Variants in KMT2A observed in about 807,000 individuals in gnomAD.
The protein encoded by KMT2A is lysine methyltransferase 2A.
A neutral mutation model predicts 345.3 loss-of-function variants in KMT2A; 16 were observed. That is an observed-to-expected ratio of 0.05 (90% confidence interval 0.03 to 0.07). KMT2A has a LOEUF of 0.07. KMT2A is among the 10% of genes least tolerant of loss of function. KMT2A has a pLI of 1.00. For synonymous variants in KMT2A, 1,599 were observed against 1,778.6 expected (o/e 0.90, Z 2.54); for missense variants, 3,272 against 4,841.6 (o/e 0.68, Z 9.62).
rs1344562906 is a variant in KMT2A, at chr11:118,498,474, T to C, written c.5907T>C (p.Phe1969=). Residue 1969 remains phenylalanine (F), a synonymous_variant, in exon 22 of 36, where the codon TTT becomes TTC. Coordinates refer to ENST00000534358, the MANE Select transcript of KMT2A (RefSeq NM_001197104.2). This position sits in a 1 kb window ranked among gnomAD's most constrained non-coding sequence, Gnocchi z 4.4. Reference sequence around the variant, plus strand: ...GTTCCCGAGCCAAGAACTGTGTCTTTCTGGATGATAAAAAAGTATATTGCC... The same window carrying C: ...GTTCCCGAGCCAAGAACTGTGTCTTCCTGGATGATAAAAAAGTATATTGCC... ...FMCSRAKNCV[F]LDDKKVYCQR... is the part of the protein sequence containing the mutation. 1 of 1,613,686 alleles carries C rather than the reference T, an allele frequency of 6.2e-7. No homozygotes were observed. The highest frequency in any genetic ancestry group is 8.5e-7 in the Non-Finnish European group (1 of 1,179,924).
At position 118,501,708 on chromosome 11, in the gene KMT2A, T is replaced by G. The variant is rs1555045703; in HGVS notation, c.6356T>G (p.Ile2119Ser). The G allele has an allele frequency of 6.2e-7, 1 of 1,613,832 alleles. No individual in the cohort carries two copies. Among genetic ancestry groups the G allele is most frequent in the East Asian group, 2.2e-5 (1 of 44,854 alleles). ...AAAGAGAGTCAAAACACAGCTGAAA[T>G]TATAAGTCCTCCATCACCAGACCGA... ...SSKESQNTAEIISPPSPDRPP... is the reference protein window; with the variant it reads ...SSKESQNTAESISPPSPDRPP... The change falls in exon 26 of 36, where the codon ATT (isoleucine) becomes AGT (serine). Residue 2119 changes from isoleucine (I) to serine (S), a missense_variant. Coordinates refer to ENST00000534358, the MANE Select transcript of KMT2A (RefSeq NM_001197104.2).
chr11:118,457,446 A>G (rs1555031262), intron 1 of KMT2A, among the ~76,000 whole-genome samples: 1 of 147,896 alleles, frequency 6.8e-6, no homozygotes, highest in Non-Finnish European at 1.5e-5. Flanking sequence ...TTTTTTTTGT[A>G]TTTTTTAGTA....
chr11:118,522,488 G>A lies in KMT2A; in HGVS notation c.*316G>A. 1 of 316,344 alleles carries A rather than the reference G, an allele frequency of 3.2e-6. No homozygotes were observed. The highest frequency in any genetic ancestry group is 5.9e-6 in the Non-Finnish European group (1 of 168,542). 19.6% of individuals were successfully genotyped at this position (316,344 alleles called of 1,614,324 possible). A position where few individuals can be genotyped will look rare whatever the true frequency, so the allele number is the denominator to read the frequency against. On this transcript the variant is annotated 3_prime_UTR_variant, in exon 36 of 36. Transcript: ENST00000534358. This position sits in a 1 kb window ranked among gnomAD's most constrained non-coding sequence, Gnocchi z 5.4. The stretch of plus-strand genomic sequence containing the variant: ...GAGCCTATTATAGAGGGTTGGTTAT[G>A]TTGGGAGATTGGGCCTGAATTTCTC...
In KMT2A at chr11:118,495,743, C is replaced by T; in HGVS notation, c.5407C>T (p.His1803Tyr). Residue 1803 changes from histidine (H) to tyrosine (Y), a missense_variant, in exon 19 of 36, where the codon CAT (histidine) becomes TAT (tyrosine). By Grantham distance (83) the His-to-Tyr change is moderately conservative. Transcript: ENST00000534358. This position sits in a 1 kb window ranked among gnomAD's most constrained non-coding sequence, Gnocchi z 4.1. ...CGCAGTGCTTCCACCTTCACTTGACCATAATTATGCTCAGTGGCAGGAGCG... is the reference window on the plus strand; with the variant it reads ...CGCAGTGCTTCCACCTTCACTTGACTATAATTATGCTCAGTGGCAGGAGCG... ...PNAVLPPSLD[H>Y]NYAQWQEREE... is the part of the protein sequence containing the mutation. 2 of 1,613,340 alleles carry T rather than the reference C, an allele frequency of 1.2e-6. No individual in the cohort carries two copies. The highest frequency in any genetic ancestry group is 8.5e-7 in the Non-Finnish European group (1 of 1,179,696).
chr11:118,501,605 T>C (rs1950501767), intron 25 of KMT2A, 67 bp from the exon 26 acceptor site: 1 of 1,368,322 alleles, frequency 7.3e-7, no homozygotes, highest in Non-Finnish European at 1.0e-6. Context: ...GCTGACTTTT[T>C]ATTGGTTAAT....
At chr11:118,443,279 A>T (rs1949350825) in intron 1 of KMT2A, among the ~76,000 whole-genome samples, 1 of 152,168 alleles carries the variant, frequency 6.6e-6, no homozygotes, top group African/African-American at 2.4e-5. Flanking sequence ...AAATACAGAG[A>T]CACTTGGACT....
chr11:118,446,072 G>C (rs1949414625), intron 1 of KMT2A, among the ~76,000 whole-genome samples: 2 of 152,020 alleles, frequency 1.3e-5, no homozygotes, highest in Admixed American at 1.3e-4. Flanking sequence ...TTGCAGGCCG[G>C]GTGGGGTGGC....
At position 118,472,258 on chromosome 11, in the gene KMT2A, A is replaced by G. The variant is rs782388617; in HGVS notation, c.1099A>G (p.Thr367Ala). The change falls in exon 3 of 36, where the codon ACA becomes GCA. Residue 367 changes from threonine (T) to alanine (A), a missense_variant. Around this residue, in one of 27 missense-constraint regions of KMT2A, gnomAD observed 412 missense variants for 511.0 expected, o/e 0.81. Coordinates refer to ENST00000534358, the MANE Select transcript of KMT2A (RefSeq NM_001197104.2). The part of the protein sequence containing the change: ...PVRIIPSSKR[T>A]DATIAKQLLQ... ...TAGGATTATTCCTTCTTCAAAAAGG[A>G]CAGATGCAACCATTGCTAAGCAACT... The G allele has an allele frequency of 1.2e-6, 2 of 1,614,140 alleles. No individual in the cohort carries two copies. The highest frequency in any genetic ancestry group is 1.1e-5 in the South Asian group (1 of 91,082).
chr11:118,464,981 T>A (rs1949816093), intron 1 of KMT2A, among the ~76,000 whole-genome samples: 1 of 152,248 alleles, frequency 6.6e-6, no homozygotes, highest in South Asian at 2.1e-4. Flanking sequence ...TGCTCCATCA[T>A]GGCAATGTCC....
chr11:118,451,206 T>TC (rs1555028750), intron 1 of KMT2A, among the ~76,000 whole-genome samples: 1 of 145,696 alleles, frequency 6.9e-6, no homozygotes, highest in African/African-American at 2.5e-5. Context: ...GCTATCTAAT[T>TC]CTTTTTTTTT....
At chr11:118,507,419 T>G (rs1158902120) in intron 27 of KMT2A, 110 bp from the exon 28 acceptor site, 5 of 929,994 alleles carry the variant, frequency 5.4e-6, no homozygotes, top group African/African-American at 3.2e-5. Context: ...TTTTGCTGGC[T>G]TATAGACTTT....
At chr11:118,480,316 A>T in intron 6 of KMT2A, 78 bp downstream of exon 6, 4 of 1,115,120 alleles carry the variant, frequency 3.6e-6, no homozygotes, top group Middle Eastern at 2.0e-4. Context: ...AGTAGAAGAG[A>T]ATACTTTTTT....
rs9332844 is a variant in KMT2A, at chr11:118,506,638, A to T, written c.10746A>T (p.Ser3582=). 4.4e-4 allele frequency: 698 copies of T among 1,594,800 alleles called. 6 individuals carry two copies. In the East Asian group the frequency reaches 0.012, roughly 27 times the overall value. The change falls in exon 27 of 36, where the codon TCA becomes TCT. Residue 3582 remains serine (S), a synonymous_variant. Transcript: ENST00000534358. ...IPDQETTSLT[S]GTGTPGAEAE... ...ACCAAGAAACGACATCCCTGACCTC[A>T]GGCACAGGGTGAGAGATCCAAATAC...
chr11:118,500,064 T>C (rs1023771685), intron 24 of KMT2A, 151 bp downstream of exon 24: 1 of 585,700 alleles, frequency 1.7e-6, no homozygotes, highest in East Asian at 2.9e-5. Context: ...CGGATTCGTC[T>C]GCTTGTAGAT....
intron 31 of KMT2A, 48 bp from the exon 32 acceptor site, chr11:118,519,570 T>G (rs1555052756): frequency 6.4e-7 from 1 of 1,556,224 alleles, no homozygotes; most frequent in Non-Finnish European, 8.9e-7. Flanking sequence ...CCATGCTGTT[T>G]CCTGTTGACT....
At position 118,521,525 on chromosome 11, in the gene KMT2A, C is replaced by G; in HGVS notation, c.11643+108C>G. ...TAGTGTATGTTATCAATTCAGAGAC[C>G]TTTCTTAAAAAAATAAACTCTGAAA... On this transcript the variant is annotated intron_variant, in intron 35 of 35. Transcript: ENST00000534358. The surrounding 1 kb of genome is among the most constrained non-coding windows in gnomAD (Gnocchi z 5.3). 1.5e-6 allele frequency: 2 copies of G among 1,314,804 alleles called. No individual in the cohort carries two copies. The highest frequency in any genetic ancestry group is 3.2e-5 in the South Asian group (2 of 63,080). The allele number at this position is 1,314,804 out of a possible 1,614,324, so 81.4% of individuals were successfully genotyped here. A position where few individuals can be genotyped will look rare whatever the true frequency, so the allele number is the denominator to read the frequency against.
intron 1 of KMT2A, among the ~76,000 whole-genome samples, chr11:118,451,656 A>AT (rs34888107): frequency 0.064 from 8,880 of 138,054 alleles, 322 homozygotes; most frequent in Non-Finnish European, 0.071. Context: ...CCCAAAGTGA[A>AT]TTTTTTTTTT....
chr11:118,468,697 TC>T (rs1555034735), intron 1 of KMT2A, 77 bp from the exon 2 acceptor site: 1 of 1,076,670 alleles, frequency 9.3e-7, no homozygotes, highest in Admixed American at 1.7e-5. Flanking sequence ...CATTTGTGTC[TC>T]CTCTGGGCAT....
At chr11:118,463,412 A>G (rs1167821997) in intron 1 of KMT2A, among the ~76,000 whole-genome samples, 2 of 152,194 alleles carry the variant, frequency 1.3e-5, no homozygotes, top group East Asian at 1.9e-4. Context: ...GTGTTGGGAA[A>G]TCCCCAGATG....
Sources: allele counts gnomAD v4.1 joint callset (sites outside exome capture counted in the v4.1 genomes callset), GRCh38; gene constraint gnomAD v4.1.1; regional missense constraint gnomAD v4.1.1; non-coding constraint Gnocchi (gnomAD v3.1); transcripts MANE v1.5; gene names NCBI Gene and HGNC (gene_info 2026-07-23, HGNC 2026-07-21).